The following IMMP2L variants were observed in gnomAD, a reference collection of about 807,000 sequenced individuals.
IMMP2L encodes mitochondrial inner membrane protease subunit 2.
A neutral mutation model predicts 19.3 loss-of-function variants in IMMP2L; 18 were observed. The ratio of observed to expected loss-of-function variants is 0.93; its 90% confidence interval spans 0.64 to 1.38. The LOEUF (loss-of-function observed/expected upper bound fraction) is 1.38, where lower values mean the gene tolerates loss of function less well. Among genes scored for constraint, IMMP2L ranks in the 40% most tolerant of loss-of-function variants. The probability of loss-of-function intolerance (pLI) is 0.00; values close to 1 mark genes in which losing one functional copy is unlikely to be tolerated. For missense variants in IMMP2L, 233 were observed against 218.2 expected (o/e 1.07, Z -0.43); for synonymous variants, 76 against 73.0 (o/e 1.04, Z -0.21).
chr7:111,514,226 T>C (rs1226133669), intron 2 of IMMP2L, among the ~76,000 whole-genome samples: 1 of 152,132 alleles, frequency 6.6e-6, no homozygotes, highest in African/African-American at 2.4e-5. Context: ...AAGTAAAGGG[T>C]ATGTTAATTA....
intron 3 of IMMP2L, among the ~76,000 whole-genome samples, chr7:111,383,342 G>A (rs1214729022): frequency 6.6e-6 from 1 of 152,098 alleles, no homozygotes; most frequent in African/African-American, 2.4e-5. Context: ...GGGAGTGGTA[G>A]GCATGCCTAG....
chr7:111,393,587 C>A (rs1038833575), intron 3 of IMMP2L, among the ~76,000 whole-genome samples: 1 of 152,044 alleles, frequency 6.6e-6, no homozygotes, highest in African/African-American at 2.4e-5. Flanking sequence ...TGACATTTTA[C>A]GTAGGAGGGA....
intron 3 of IMMP2L, among the ~76,000 whole-genome samples, chr7:111,314,598 T>C (rs1251129954): frequency 6.6e-6 from 1 of 152,130 alleles, no homozygotes; most frequent in Non-Finnish European, 1.5e-5. Context: ...ACTGAAGTAA[T>C]GCAATAACTA....
intron 5 of IMMP2L, among the ~76,000 whole-genome samples, chr7:110,808,085 T>A (rs891266868): frequency 6.6e-6 from 1 of 152,096 alleles, no homozygotes; most frequent in African/African-American, 2.4e-5. Context: ...AGTTTTTCAC[T>A]TTAATAATTA....
At chr7:111,472,270 TA>T (rs1428339331) in intron 3 of IMMP2L, among the ~76,000 whole-genome samples, 1 of 151,842 alleles carries the variant, frequency 6.6e-6, no homozygotes, top group Non-Finnish European at 1.5e-5. Context: ...CACATCTCTT[TA>T]AAAAAAAGTT....
At chr7:111,442,331 A>G (rs1837828848) in intron 3 of IMMP2L, among the ~76,000 whole-genome samples, 1 of 151,830 alleles carries the variant, frequency 6.6e-6, no homozygotes, top group African/African-American at 2.4e-5. Flanking sequence ...GAACTGTAGG[A>G]AGTTATAGCC....
intron 1 of IMMP2L, among the ~76,000 whole-genome samples, chr7:111,523,595 T>G (rs375511355): frequency 6.6e-6 from 1 of 152,096 alleles, no homozygotes; most frequent in Non-Finnish European, 1.5e-5. Context: ...TTTTTATACT[T>G]TTATCAACAT....
At chr7:111,561,236 G>C (rs1314220570) in intron 1 of IMMP2L, among the ~76,000 whole-genome samples, 1 of 152,164 alleles carries the variant, frequency 6.6e-6, no homozygotes, top group Non-Finnish European at 1.5e-5. Flanking sequence ...CTTTTCAAAA[G>C]TGAATGGAAT....
chr7:111,020,046 A>G (rs973848181), intron 3 of IMMP2L, among the ~76,000 whole-genome samples: 3 of 151,332 alleles, frequency 2.0e-5, no homozygotes, highest in Non-Finnish European at 4.4e-5. Context: ...AATGTCTGCT[A>G]TGTGCTAGGT....
intron 5 of IMMP2L, among the ~76,000 whole-genome samples, chr7:110,763,234 T>C (rs1462223171): frequency 1.3e-5 from 2 of 152,286 alleles, no homozygotes; most frequent in South Asian, 2.1e-4. Context: ...CATTTCAATA[T>C]GCTAGTTATG....
At chr7:110,953,460 T>C (rs1818040003) in intron 4 of IMMP2L, among the ~76,000 whole-genome samples, 1 of 152,038 alleles carries the variant, frequency 6.6e-6, no homozygotes, top group Non-Finnish European at 1.5e-5. Context: ...AGAATGATGG[T>C]TTCCAGCTTC....
At chr7:111,495,651 A>G (rs2132363502) in intron 2 of IMMP2L, among the ~76,000 whole-genome samples, 1 of 152,334 alleles carries the variant, frequency 6.6e-6, no homozygotes, top group African/African-American at 2.4e-5. Flanking sequence ...AAGCACAGTC[A>G]CAGTACACTT....
chr7:111,502,399 T>G (rs1384863404), intron 2 of IMMP2L, among the ~76,000 whole-genome samples: 1 of 152,062 alleles, frequency 6.6e-6, no homozygotes, highest in East Asian at 1.9e-4. Context: ...CTGTCAACAT[T>G]AGACAGATCA....
At chr7:111,539,210 GAAAGAAAGAAAGAAAGAAAGAAAGAA>G (rs1848257323) in intron 1 of IMMP2L, among the ~76,000 whole-genome samples, 5 of 67,980 alleles carry the variant, frequency 7.4e-5, no homozygotes, top group African/African-American at 2.5e-4. Context: ...AAGAAAGAAA[GAAAGAAAGAAAGAAAGAAAGAAAGAA>G]AGAAAGAAAG....
rs115095634 is a variant in IMMP2L, at chr7:111,109,135, T to C, written c.240-145570A>G. ...GTAAGGTGGTCCGTAAATAAGGTAT[T>C]ATCAAGAAGAATTAAAGACCAAATT... On this transcript the variant is annotated intron_variant, in intron 3 of 5. Coordinates refer to ENST00000405709, the MANE Select transcript of IMMP2L (RefSeq NM_032549.4). Among the ~76,000 whole-genome samples the C allele has an allele frequency of 7.3e-3, 1,111 of 152,260 alleles. 15 individuals are homozygous for C. Among genetic ancestry groups the C allele is most frequent in the African/African-American group, 0.025 (1,059 of 41,558 alleles).
rs566517301 is a variant in IMMP2L, at chr7:111,412,273, G to A, written c.239+74965C>T. ...AGAACAAAGAGACCAGAAACAGTAA[G>A]GATATAAAATACTTCAGTGGCACCA... On this transcript the variant is annotated intron_variant, in intron 3 of 5. Coordinates refer to ENST00000405709, the MANE Select transcript of IMMP2L (RefSeq NM_032549.4). 1.2e-4 allele frequency among the ~76,000 whole-genome samples: 18 copies of A among 151,774 alleles called. No homozygotes were observed. In the South Asian group the frequency reaches 3.7e-3, roughly 32 times the overall value.
At chr7:111,149,124 T>C (rs1487799804) in intron 3 of IMMP2L, among the ~76,000 whole-genome samples, 5 of 152,128 alleles carry the variant, frequency 3.3e-5, no homozygotes, top group Non-Finnish European at 7.4e-5. Context: ...ACATCACAAA[T>C]ATACAACACA....
intron 5 of IMMP2L, among the ~76,000 whole-genome samples, chr7:110,720,062 A>G (rs1795471520): frequency 6.6e-6 from 1 of 152,162 alleles, no homozygotes; most frequent in South Asian, 2.1e-4. Flanking sequence ...TCCAACTAAA[A>G]TCCTGGAAAT....
intron 3 of IMMP2L, among the ~76,000 whole-genome samples, chr7:111,131,660 T>C (rs531867100): frequency 1.4e-4 from 22 of 152,042 alleles, no homozygotes; most frequent in African/African-American, 4.1e-4. Flanking sequence ...TAATGTAATA[T>C]ATATTACATA....
Sources: gnomAD v4.1 joint callset for allele counts (sites outside exome capture counted in the v4.1 genomes callset) on GRCh38, gnomAD v4.1.1 for gene constraint, MANE v1.5 for transcripts, NCBI Gene and HGNC (gene_info 2026-07-23, HGNC 2026-07-21) for gene names.